DUT: variants seen among roughly 807,000 people sequenced by gnomAD.
The protein encoded by DUT is deoxyuridine triphosphatase, also known as deoxyuridine 5'-triphosphate nucleotidohydrolase, mitochondrial.
A neutral mutation model predicts 28.8 loss-of-function variants in DUT; 21 were observed. The ratio of observed to expected loss-of-function variants is 0.73; its 90% CI spans 0.52 to 1.05. The LOEUF (loss-of-function observed/expected upper bound fraction) is 1.05, where lower values mean the gene tolerates loss of function less well. DUT is among the 50% of genes least tolerant of loss of function. DUT has a pLI of 0.00. For synonymous variants in DUT, 147 were observed against 143.7 expected, an observed-to-expected ratio of 1.02 and a Z score of -0.17; for missense variants, 344 against 351.8, an observed-to-expected ratio of 0.98 and a Z score of 0.18.
chr15:48,331,400 G>A, upstream of DUT: 3 of 1,498,984 alleles, frequency 2.0e-6, no homozygotes, highest in Admixed American at 2.2e-5. Context: ...CCCTCGTCCG[G>A]CGGCGGCTGC....
In DUT at chr15:48,331,813, G is replaced by T; in HGVS notation, c.280+18G>T. ...GGGGCCGGGTAGGAAAGGCGGGGGA[G>T]GGGCTCCGGCCGTCTGGAAGGAATC... On this transcript the variant is annotated intron_variant, in intron 1 of 6. Transcript: ENST00000331200. The T allele has an allele frequency of 1.5e-6, 2 of 1,361,766 alleles. No individual in the cohort carries two copies. Among genetic ancestry groups the T allele is most frequent in the Non-Finnish European group, 9.4e-7 (1 of 1,063,312 alleles). The allele number at this position is 1,361,766 out of a possible 1,614,324, so 84.4% of individuals were successfully genotyped here.
At chr15:48,335,558 T>C (rs2042466722) in intron 3 of DUT, among the ~76,000 whole-genome samples, 1 of 152,210 alleles carries the variant, frequency 6.6e-6, no homozygotes, top group Admixed American at 6.5e-5. Context: ...TGGTTAGGTT[T>C]GTTTCCCTCT....
intron 2 of DUT, chr15:48,332,799 T>TA: frequency 2.1e-6 from 1 of 475,734 alleles, no homozygotes; most frequent in Non-Finnish European, 4.2e-6. Flanking sequence ...GCATCTGCCT[T>TA]AAAAAGTTAT....
Position 48,342,122 on chromosome 15 carries a change from TAAAA to T in DUT, c.*56_*59del, listed in dbSNP as rs34176493. On this transcript the variant is annotated 3_prime_UTR_variant, in exon 7 of 7. Transcript: ENST00000331200. ...AAAACAAGAAGTCATACCTTTTTCT[TAAAA>T]AAAAAAAAAAAGTTTTTGCTTCAAG... 6 of 1,109,426 alleles carry T rather than the reference TAAAA, an allele frequency of 5.4e-6. No individual in the cohort carries two copies. Among genetic ancestry groups the T allele is most frequent in the South Asian group, 2.0e-5 (1 of 50,202 alleles). The allele number at this position is 1,109,426 out of a possible 1,614,324, so 68.7% of individuals were successfully genotyped here.
intron 4 of DUT, among the ~76,000 whole-genome samples, chr15:48,338,005 C>T (rs2042492913): frequency 6.6e-6 from 1 of 152,270 alleles, no homozygotes; most frequent in Non-Finnish European, 1.5e-5. Flanking sequence ...GTCAGTTAAT[C>T]ACTCTGCCAG....
chr15:48,341,414 G>C (rs766612295), intron 5 of DUT, 51 bp downstream of exon 5: 1 of 1,552,868 alleles, frequency 6.4e-7, no homozygotes, highest in South Asian at 1.1e-5. Context: ...TCAGAGTCAT[G>C]TATGTGTAAA....
In DUT at chr15:48,342,268, T is replaced by TTTAC. The variant is rs1420070417; in HGVS notation, c.*192_*193insACTT. ...CATTAAAAAAAAACACAAAGAAGTT[T>TTTAC]TTCTTTGTGTTTGGATCAAAAAGAA... On this transcript the variant is annotated 3_prime_UTR_variant, in exon 7 of 7. Transcript: ENST00000331200. 2.7e-6 allele frequency: 1 copy of TTTAC among 364,518 alleles called. No individual in the cohort carries two copies. Among genetic ancestry groups the TTTAC allele is most frequent in the East Asian group, 4.4e-5 (1 of 22,600 alleles). 22.6% of individuals were successfully genotyped at this position (364,518 alleles called of 1,614,324 possible).
At chr15:48,331,176 G>A, upstream of DUT, 1 of 1,516,058 alleles carries the variant, frequency 6.6e-7, no homozygotes, top group Non-Finnish European at 8.8e-7. Flanking sequence ...CATGGCTGCG[G>A]GCGGTGCCGC....
At chr15:48,332,246 T>A (rs995585014) in intron 1 of DUT, 22 bp from the exon 2 acceptor site, 6 of 1,582,772 alleles carry the variant, frequency 3.8e-6, no homozygotes, top group Non-Finnish European at 4.3e-6. Flanking sequence ...GCCTTCTGGC[T>A]CTGCCATGCC....
intron 2 of DUT, among the ~76,000 whole-genome samples, chr15:48,333,254 T>A (rs1022980465): frequency 6.6e-6 from 1 of 152,018 alleles, no homozygotes; most frequent in Admixed American, 6.6e-5. Flanking sequence ...GAGAAAGTAG[T>A]GCCTGATGAT....
At position 48,331,770 on chromosome 15, in the gene DUT, G is replaced by T. The variant is rs911204969; in HGVS notation, c.255G>T (p.Ala85=). ...AAGWKGELPK[A]GGSPAPGPET... is the part of the protein sequence containing the mutation. ...GCTGGAAGGGCGAGCTTCCTAAGGC[G>T]GGGGGAAGCCCGGCGCCGGGGCCGG... is the stretch of plus-strand genomic sequence containing the variant. The change falls in exon 1 of 7, where the codon GCG becomes GCT. Residue 85 remains alanine, a synonymous_variant. Coordinates refer to ENST00000331200, the MANE Select transcript of DUT (RefSeq NM_001025248.2). 4 of 1,390,836 alleles carry T rather than the reference G, an allele frequency of 2.9e-6. No homozygotes were observed. The highest frequency in any genetic ancestry group is 1.6e-5 in the South Asian group (1 of 62,256). The allele number at this position is 1,390,836 out of a possible 1,614,324, so 86.2% of individuals were successfully genotyped here. A position where few individuals can be genotyped will look rare whatever the true frequency, so the allele number is the denominator to read the frequency against.
At position 48,331,431 on chromosome 15, in the gene DUT, T is replaced by C. The variant is rs1168662772; in HGVS notation, c.-85T>C. 6.4e-7 allele frequency: 1 copy of C among 1,569,484 alleles called. No individual in the cohort carries two copies. Among genetic ancestry groups the C allele is most frequent in the Admixed American group, 1.8e-5 (1 of 54,746 alleles). On this transcript the variant is annotated 5_prime_UTR_variant, in exon 1 of 7. Coordinates refer to ENST00000331200, the MANE Select transcript of DUT (RefSeq NM_001025248.2). ...GCTGCGACTGCTTCCGAGGTCATGTTCCCAGGACGGGCGCGTCTTCAGGGT... is the reference window on the plus strand; with the variant it reads ...GCTGCGACTGCTTCCGAGGTCATGTCCCCAGGACGGGCGCGTCTTCAGGGT...
At chr15:48,336,260 TTAAC>T (rs1325834818) in intron 4 of DUT, among the ~76,000 whole-genome samples, 170 bp downstream of exon 4, 2 of 152,264 alleles carry the variant, frequency 1.3e-5, no homozygotes, top group East Asian at 1.9e-4. Context: ...TATATTTTGT[TTAAC>T]TACTAACTTA....
Position 48,331,835 on chromosome 15 carries a change from A to G in DUT, c.280+40A>G, listed in dbSNP as rs2042415118. 17 of 1,137,164 alleles carry G rather than the reference A, an allele frequency of 1.5e-5. No homozygotes were observed. The South Asian group carries it at 3.4e-4, about 23-fold the overall frequency. The allele number at this position is 1,137,164 out of a possible 1,614,324, so 70.4% of individuals were successfully genotyped here. A position where few individuals can be genotyped will look rare whatever the true frequency, so the allele number is the denominator to read the frequency against. On this transcript the variant is annotated intron_variant, in intron 1 of 6. Coordinates refer to ENST00000331200, the MANE Select transcript of DUT (RefSeq NM_001025248.2). ...GGAGGGGCTCCGGCCGTCTGGAAGG[A>G]ATCCACGCGGCTTGAGGCTGTGGGG...
chr15:48,332,692 T>C, intron 2 of DUT: 1 of 625,976 alleles, frequency 1.6e-6, no homozygotes, highest in Non-Finnish European at 3.0e-6. Context: ...CCATGGTGGC[T>C]TTCGAGTGGC....
At chr15:48,338,299 C>G (rs1457188038) in intron 4 of DUT, among the ~76,000 whole-genome samples, 2 of 151,934 alleles carry the variant, frequency 1.3e-5, no homozygotes, top group Admixed American at 1.3e-4. Flanking sequence ...TTTCGTGGCC[C>G]AAGCATAAAG....
At chr15:48,341,486 G>A (rs375946922) in intron 5 of DUT, 29 bp from the exon 6 acceptor site, 14 of 1,606,528 alleles carry the variant, frequency 8.7e-6, no homozygotes, top group Admixed American at 1.7e-5. Flanking sequence ...TGTCAGTAAC[G>A]TCAGTAATAA....
chr15:48,340,410 A>T (rs902294140), intron 4 of DUT, among the ~76,000 whole-genome samples: 3 of 152,296 alleles, frequency 2.0e-5, no homozygotes, highest in Middle Eastern at 3.4e-3. Context: ...TGGAATTGTA[A>T]CACTTCAAAT....
upstream of DUT, chr15:48,331,152 C>G: frequency 7.4e-7 from 1 of 1,356,168 alleles, no homozygotes; most frequent in Non-Finnish European, 9.6e-7. Context: ...CCGCTAAACT[C>G]AGAGCCCGGG....
Sources: gnomAD v4.1 joint callset for allele counts (sites outside exome capture counted in the v4.1 genomes callset) on GRCh38, gnomAD v4.1.1 for gene constraint, MANE v1.5 for transcripts, NCBI Gene and HGNC (gene_info 2026-07-23, HGNC 2026-07-21) for gene names.